PTPRK: variants seen among roughly 807,000 people sequenced by gnomAD.
The protein encoded by PTPRK is protein tyrosine phosphatase receptor type K.
A neutral mutation model predicts 178.0 loss-of-function variants in PTPRK; 75 were observed. The ratio of observed to expected loss-of-function variants is 0.42; its 90% CI spans 0.35 to 0.51. The LOEUF (loss-of-function observed/expected upper bound fraction) is 0.51. Ranked by LOEUF, PTPRK falls within the 20% of genes least tolerant of loss-of-function variation. The pLI is 0.02. For synonymous variants in PTPRK, 637 were observed against 620.6 expected (o/e 1.03, Z -0.39); for missense variants, 1,441 against 1,797.8 (o/e 0.80, Z 3.59).
At chr6:128,425,012 A>G (rs748366329) in intron 1 of PTPRK, among the ~76,000 whole-genome samples, 23 of 151,224 alleles carry the variant, frequency 1.5e-4, no homozygotes, top group Non-Finnish European at 2.7e-4. Flanking sequence ...TAAGTTCTTT[A>G]GCGGTGATTT....
intron 3 of PTPRK, among the ~76,000 whole-genome samples, chr6:128,313,130 CAA>C (rs1562264331): frequency 6.6e-6 from 1 of 152,046 alleles, no homozygotes. Flanking sequence ...TAGAATTTCA[CAA>C]GAGAGAGGAG....
intron 19 of PTPRK, 149 bp downstream of exon 19, chr6:127,992,524 T>G (rs992895542): frequency 1.2e-5 from 7 of 581,404 alleles, no homozygotes; most frequent in East Asian, 6.3e-5. Context: ...ACAATAAATT[T>G]GTACTATACA....
chr6:127,986,344 T>G (rs892664532), intron 21 of PTPRK, among the ~76,000 whole-genome samples: 1 of 152,210 alleles, frequency 6.6e-6, no homozygotes, highest in Non-Finnish European at 1.5e-5. Context: ...AAGCATAGCA[T>G]GTAGGGATTT....
intron 8 of PTPRK, among the ~76,000 whole-genome samples, chr6:128,086,078 C>T (rs1053060070): frequency 1.3e-5 from 2 of 152,180 alleles, no homozygotes; most frequent in Non-Finnish European, 2.9e-5. Flanking sequence ...TGTCACTTCA[C>T]ATTTCCACAT....
intron 13 of PTPRK, among the ~76,000 whole-genome samples, chr6:128,052,699 G>A (rs963899805): frequency 2.0e-5 from 3 of 152,124 alleles, no homozygotes; most frequent in Admixed American, 1.3e-4. Context: ...TCCAATGTGA[G>A]GTTAATCTGT....
chr6:128,250,338 T>A (rs926250011), intron 3 of PTPRK, among the ~76,000 whole-genome samples: 4 of 152,182 alleles, frequency 2.6e-5, no homozygotes, highest in Admixed American at 1.3e-4. Context: ...TATAATTACA[T>A]AATTAACTCT....
intron 6 of PTPRK, among the ~76,000 whole-genome samples, chr6:128,206,580 C>A (rs552583087): frequency 4.0e-5 from 6 of 151,888 alleles, no homozygotes; most frequent in African/African-American, 9.7e-5. Flanking sequence ...GCAGATAAGG[C>A]AAGAAAATAG....
chr6:128,196,304 A>C (rs975661213), intron 6 of PTPRK, among the ~76,000 whole-genome samples: 3 of 152,126 alleles, frequency 2.0e-5, no homozygotes, highest in Non-Finnish European at 2.9e-5. Flanking sequence ...CTCAATAATC[A>C]AAGTGCTATC....
rs185391846 is a variant in PTPRK, at chr6:128,348,646, C to T, written c.224-26336G>A. Among the ~76,000 whole-genome samples the T allele has an allele frequency of 3.6e-4, 54 of 151,866 alleles. 1 individual carries two copies. The highest frequency in any genetic ancestry group is 3.0e-3 in the Admixed American group (45 of 15,252). ...ATCGATTTTTATTTTTCCCTATTTC[C>T]ATTCTTTGAGAAGTTTTACTGGAAA... On this transcript the variant is annotated intron_variant, in intron 2 of 29. Coordinates refer to ENST00000368226, the MANE Select transcript of PTPRK (RefSeq NM_002844.4).
intron 1 of PTPRK, among the ~76,000 whole-genome samples, chr6:128,413,760 C>T (rs1247766347): frequency 1.3e-5 from 2 of 152,114 alleles, no homozygotes; most frequent in African/African-American, 4.8e-5. Flanking sequence ...AAGAAGTCCA[C>T]GGGTGTATAA....
chr6:128,351,086 A>G (rs529435119), intron 2 of PTPRK, among the ~76,000 whole-genome samples: 11 of 152,228 alleles, frequency 7.2e-5, no homozygotes, highest in Non-Finnish European at 1.3e-4. Context: ...CAGATGAAAC[A>G]TGACTCATTC....
chr6:127,996,878 C>G, intron 17 of PTPRK, 23 bp downstream of exon 17: 2 of 1,600,944 alleles, frequency 1.2e-6, no homozygotes. Flanking sequence ...TTTACATTCA[C>G]CAAGAATTGA....
intron 6 of PTPRK, among the ~76,000 whole-genome samples, chr6:128,195,755 C>CA (rs887076475): frequency 5.9e-4 from 89 of 151,850 alleles, no homozygotes; most frequent in African/African-American, 2.0e-3. Flanking sequence ...CTCTTTGGAT[C>CA]AAAAAAACAT....
intron 13 of PTPRK, among the ~76,000 whole-genome samples, chr6:128,017,802 G>GTCTATATATATATA (rs1287001811): frequency 7.9e-5 from 8 of 101,260 alleles, no homozygotes; most frequent in Non-Finnish European, 9.9e-5. Flanking sequence ...ATATATATGT[G>GTCTATATATATATA]TATATATATA....
chr6:128,509,566 A>AT (rs1036219041), intron 1 of PTPRK, among the ~76,000 whole-genome samples: 1 of 152,120 alleles, frequency 6.6e-6, no homozygotes, highest in African/African-American at 2.4e-5. Flanking sequence ...CAAAATTTAC[A>AT]TTTTTATGGT....
chr6:127,991,246 C>G, intron 20 of PTPRK, 48 bp downstream of exon 20: 1 of 1,430,598 alleles, frequency 7.0e-7, no homozygotes, highest in Non-Finnish European at 9.6e-7. Flanking sequence ...TGTTGCTTCT[C>G]AACTATGTTC....
At chr6:128,243,771 T>C (rs1814946177) in intron 3 of PTPRK, among the ~76,000 whole-genome samples, 1 of 152,216 alleles carries the variant, frequency 6.6e-6, no homozygotes. Context: ...TTCAATGTTG[T>C]ATTTGATTCC....
At chr6:128,242,656 C>T in intron 3 of PTPRK, 54 bp from the exon 4 acceptor site, 1 of 1,594,532 alleles carries the variant, frequency 6.3e-7, no homozygotes, top group Non-Finnish European at 8.5e-7. Context: ...GGAATTTCTA[C>T]AGTGGAGGGG....
intron 6 of PTPRK, among the ~76,000 whole-genome samples, chr6:128,187,026 T>C (rs1430718701): frequency 5.9e-5 from 9 of 152,198 alleles, no homozygotes; most frequent in Admixed American, 3.9e-4. Flanking sequence ...GCTACCCCAG[T>C]GTAGGGATAG....
Sources: allele counts gnomAD v4.1 joint callset (sites outside exome capture counted in the v4.1 genomes callset), GRCh38; gene constraint gnomAD v4.1.1; transcripts MANE v1.5; gene names NCBI Gene and HGNC (gene_info 2026-07-23, HGNC 2026-07-21).